Variants in NRXN1 observed in about 807,000 individuals in gnomAD.
NRXN1 encodes the protein neurexin-1.
Under a neutral mutation model 150.9 loss-of-function variants are expected in NRXN1, and 39 were observed. The ratio of observed to expected loss-of-function variants is 0.26; its 90% CI spans 0.20 to 0.34. The LOEUF (loss-of-function observed/expected upper bound fraction) is 0.34, where lower values mean the gene tolerates loss of function less well. Among genes scored for constraint, NRXN1 ranks in the 10% least tolerant of loss-of-function variants. NRXN1 has a pLI of 1.00. For synonymous variants in NRXN1, 924 were observed against 757.0 expected, an observed-to-expected ratio of 1.22 and a Z score of -3.62; for missense variants, 1,815 against 1,949.9, an observed-to-expected ratio of 0.93 and a Z score of 1.30.
intron 5 of NRXN1, among the ~76,000 whole-genome samples, chr2:50,881,598 A>G (rs1679438105): frequency 6.6e-6 from 1 of 151,884 alleles, no homozygotes; most frequent in Non-Finnish European, 1.5e-5. Context: ...CCTACCCACA[A>G]GGACTTCTGA....
intron 17 of NRXN1, among the ~76,000 whole-genome samples, chr2:50,389,395 A>T (rs1406613229): frequency 6.6e-6 from 1 of 151,358 alleles, no homozygotes; most frequent in Admixed American, 6.6e-5. Flanking sequence ...GTTCTGAGAC[A>T]ATGTCCACCA....
intron 18 of NRXN1, among the ~76,000 whole-genome samples, chr2:50,135,569 T>C (rs1300930580): frequency 6.6e-6 from 1 of 152,098 alleles, no homozygotes; most frequent in African/African-American, 2.4e-5. Context: ...CGGGCGCCTG[T>C]AGACCCAGCT....
chr2:49,925,075 A>C (rs1383409474), intron 22 of NRXN1, among the ~76,000 whole-genome samples: 1 of 152,052 alleles, frequency 6.6e-6, no homozygotes, highest in Non-Finnish European at 1.5e-5. Flanking sequence ...GTGGATCACG[A>C]GGTCAAGAGA....
intron 8 of NRXN1, among the ~76,000 whole-genome samples, chr2:50,574,143 C>A (rs1666672517): frequency 6.6e-6 from 1 of 152,096 alleles, no homozygotes; most frequent in South Asian, 2.1e-4. Context: ...TCCTTTACTT[C>A]TTTTCTAGCA....
Position 50,773,760 on chromosome 2 carries a change from A to G in NRXN1, c.832+148109T>C, listed in dbSNP as rs557185238. Reference sequence around the variant, plus strand: ...CAATGAAAGGGAAGGTTTCCAGGCCATTTGTTCTAAACTGAGGTGTGCTGG... The same window carrying G: ...CAATGAAAGGGAAGGTTTCCAGGCCGTTTGTTCTAAACTGAGGTGTGCTGG... On this transcript the variant is annotated intron_variant, in intron 5 of 22. Transcript: ENST00000401669. Among the ~76,000 whole-genome samples, 5 of 152,240 alleles carry G rather than the reference A, an allele frequency of 3.3e-5. 1 individual carries two copies. In the South Asian group the frequency reaches 1.0e-3, roughly 32 times the overall value.
intron 2 of NRXN1, among the ~76,000 whole-genome samples, chr2:50,949,257 T>C (rs986020857): frequency 6.6e-6 from 1 of 152,000 alleles, no homozygotes; most frequent in African/African-American, 2.4e-5. Context: ...TTCAACCATA[T>C]AATACTGAGT....
At chr2:49,937,313 G>A (rs1021060701) in intron 22 of NRXN1, among the ~76,000 whole-genome samples, 11 of 152,156 alleles carry the variant, frequency 7.2e-5, no homozygotes, top group Non-Finnish European at 1.6e-4. Flanking sequence ...TTTGTTTTCA[G>A]TGAGTTGCCC....
At chr2:50,579,755 C>T (rs932044498) in intron 8 of NRXN1, among the ~76,000 whole-genome samples, 1 of 152,064 alleles carries the variant, frequency 6.6e-6, no homozygotes, top group African/African-American at 2.4e-5. Flanking sequence ...GCATTATTGT[C>T]ATCCAGCTTT....
At chr2:50,542,315 A>G (rs1015956036) in intron 9 of NRXN1, among the ~76,000 whole-genome samples, 2 of 152,132 alleles carry the variant, frequency 1.3e-5, no homozygotes, top group East Asian at 1.9e-4. Context: ...GAGATAGAGA[A>G]CAAGCAACAA....
intron 5 of NRXN1, among the ~76,000 whole-genome samples, chr2:50,795,375 G>A (rs17503355): frequency 0.042 from 6,397 of 152,082 alleles, 167 homozygotes; most frequent in Non-Finnish European, 0.058. Context: ...CTGTGTCAGC[G>A]GCATCAGTTT....
rs138250109 is a variant in NRXN1 at position 51,030,118 on chromosome 2, C to A, written c.-921-924G>T. On this transcript the variant is annotated intron_variant, in intron 1 of 22. Transcript: ENST00000401669. ...AGAAATCATAATCACTGATTTTTTT[C>A]CTAAGTCATTTTTTAACCAAAAAAT... Among the ~76,000 whole-genome samples the A allele has an allele frequency of 2.2e-4, 33 of 151,874 alleles. 1 individual carries two copies. In the East Asian group the frequency reaches 6.4e-3, roughly 29 times the overall value.
chr2:50,274,216 G>A (rs558532762), intron 17 of NRXN1, among the ~76,000 whole-genome samples: 40 of 152,170 alleles, frequency 2.6e-4, no homozygotes, highest in African/African-American at 9.7e-4. Flanking sequence ...ATGAGTTCAT[G>A]CCCTTCACAG....
chr2:50,066,568 A>G (rs1019433944), intron 19 of NRXN1, among the ~76,000 whole-genome samples: 1 of 152,206 alleles, frequency 6.6e-6, no homozygotes, highest in Non-Finnish European at 1.5e-5. Context: ...ATTGATCATT[A>G]TCCTGAACTT....
At chr2:50,841,697 T>C (rs1672902273) in intron 5 of NRXN1, among the ~76,000 whole-genome samples, 1 of 152,200 alleles carries the variant, frequency 6.6e-6, no homozygotes, top group African/African-American at 2.4e-5. Flanking sequence ...ACATCTAACA[T>C]TTCTGTTATG....
intron 5 of NRXN1, among the ~76,000 whole-genome samples, chr2:50,742,853 C>T (rs1699593233): frequency 6.6e-6 from 1 of 152,072 alleles, no homozygotes; most frequent in African/African-American, 2.4e-5. Flanking sequence ...CACAACATTA[C>T]TTACTTCCAC....
chr2:50,019,895 C>A (rs1687264772), intron 21 of NRXN1, among the ~76,000 whole-genome samples: 1 of 139,728 alleles, frequency 7.2e-6, no homozygotes, highest in South Asian at 2.3e-4. Flanking sequence ...TTGCAGTGAG[C>A]CGAGATCGCG....
chr2:50,958,441 A>T (rs1238898142), intron 2 of NRXN1, among the ~76,000 whole-genome samples: 1 of 152,120 alleles, frequency 6.6e-6, no homozygotes, highest in Non-Finnish European at 1.5e-5. Context: ...ACCTAGGAAC[A>T]TGTCTTTACA....
chr2:50,868,141 T>TTATATA (rs70958631), intron 5 of NRXN1, among the ~76,000 whole-genome samples: 110 of 87,656 alleles, frequency 1.3e-3, no homozygotes, highest in Middle Eastern at 7.4e-3. Flanking sequence ...AAACAAAATA[T>TTATATA]TATATATATA....
chr2:51,018,618 C>G (rs1356666223), intron 2 of NRXN1, among the ~76,000 whole-genome samples: 2 of 152,084 alleles, frequency 1.3e-5, no homozygotes, highest in African/African-American at 4.8e-5. Flanking sequence ...TAAGTGCCCA[C>G]TGTACCATCA....
Sources: gnomAD v4.1 joint callset for allele counts (sites outside exome capture counted in the v4.1 genomes callset) on GRCh38, gnomAD v4.1.1 for gene constraint, MANE v1.5 for transcripts, NCBI Gene and HGNC (gene_info 2026-07-23, HGNC 2026-07-21) for gene names.